RRAGD: variants seen among roughly 807,000 people sequenced by gnomAD.
RRAGD encodes Ras related GTP binding D.
RRAGD carries 12 observed loss-of-function variants against 35.5 expected under a neutral mutation model. The observed-to-expected ratio is 0.34, with a 90% confidence interval of 0.22 to 0.55. RRAGD has a LOEUF of 0.55. Ranked by LOEUF, RRAGD falls within the 20% of genes least tolerant of loss-of-function variation. The pLI is 0.91. For missense variants in RRAGD, 324 were observed against 490.1 expected, an observed-to-expected ratio of 0.66 and a Z score of 3.20; for synonymous variants, 155 against 178.9, an observed-to-expected ratio of 0.87 and a Z score of 1.07.
At chr6:89,382,386 C>A (rs1769058351) in intron 2 of RRAGD, among the ~76,000 whole-genome samples, 1 of 116,210 alleles carries the variant, frequency 8.6e-6, no homozygotes, top group African/African-American at 4.1e-5. Flanking sequence ...CACAGTGAGA[C>A]CCCTATCTCT....
intron 1 of RRAGD, among the ~76,000 whole-genome samples, chr6:89,407,504 G>C (rs1193148256): frequency 1.3e-5 from 2 of 152,060 alleles, no homozygotes; most frequent in African/African-American, 4.8e-5. Flanking sequence ...TGGGCATTGT[G>C]GTGGGCACCT....
At chr6:89,388,386 G>A (rs1464170654) in intron 1 of RRAGD, among the ~76,000 whole-genome samples, 2 of 152,132 alleles carry the variant, frequency 1.3e-5, no homozygotes, top group African/African-American at 2.4e-5. Flanking sequence ...TCAGCTGGGG[G>A]AATATGAGAA....
At chr6:89,398,606 ATGCCTTACAT>A (rs1163718843) in intron 1 of RRAGD, among the ~76,000 whole-genome samples, 1 of 152,256 alleles carries the variant, frequency 6.6e-6, no homozygotes, top group Non-Finnish European at 1.5e-5. Flanking sequence ...CAAAGGCACA[ATGCCTTACAT>A]GGAACAGGAA....
intron 2 of RRAGD, among the ~76,000 whole-genome samples, chr6:89,385,672 A>G (rs957045390): frequency 6.6e-6 from 1 of 152,166 alleles, no homozygotes; most frequent in Non-Finnish European, 1.5e-5. Context: ...GGGTAGGCCC[A>G]TGGGAAGAGA....
intron 1 of RRAGD, among the ~76,000 whole-genome samples, chr6:89,392,493 AAG>A (rs1491029426): frequency 6.6e-6 from 1 of 151,604 alleles, no homozygotes; most frequent in African/African-American, 2.4e-5. Context: ...AAAAAAAAAA[AAG>A]AATATAAAAT....
intron 1 of RRAGD, among the ~76,000 whole-genome samples, chr6:89,409,089 C>T (rs1164667297): frequency 2.0e-5 from 3 of 152,300 alleles, no homozygotes; most frequent in Middle Eastern, 6.8e-3. Flanking sequence ...ATTTAAGTCT[C>T]ACCTTAGTTG....
rs1768713555 is a variant in RRAGD at position 89,364,964 on chromosome 6, G to C, written c.*3092C>G. The C allele has an allele frequency of 6.6e-6, 1 of 152,118 alleles. No homozygotes were observed. The highest frequency in any genetic ancestry group is 1.5e-5 in the Non-Finnish European group (1 of 68,046). 9.4% of individuals were successfully genotyped at this position (152,118 alleles called of 1,614,324 possible). ...TGATGTACTGCTTAAAGTAAAACATGGACTATACCTGATTACAAATTACAT... is the reference window on the plus strand; with the variant it reads ...TGATGTACTGCTTAAAGTAAAACATCGACTATACCTGATTACAAATTACAT... On this transcript the variant is annotated 3_prime_UTR_variant, in exon 7 of 7. Transcript: ENST00000369415.
chr6:89,370,583 T>C (rs79712984), intron 6 of RRAGD, among the ~76,000 whole-genome samples: 1 of 152,208 alleles, frequency 6.6e-6, no homozygotes, highest in Non-Finnish European at 1.5e-5. Flanking sequence ...ACTTTAAATT[T>C]TTCCTTAGGA....
intron 3 of RRAGD, among the ~76,000 whole-genome samples, chr6:89,379,588 C>G (rs1252787345): frequency 1.3e-5 from 2 of 152,224 alleles, no homozygotes; most frequent in Non-Finnish European, 2.9e-5. Flanking sequence ...AGCTTACAAC[C>G]GCAGCAATCT....
chr6:89,396,201 CA>C (rs949950739), intron 1 of RRAGD, among the ~76,000 whole-genome samples: 1 of 151,832 alleles, frequency 6.6e-6, no homozygotes, highest in African/African-American at 2.4e-5. Context: ...AAAAGCACAA[CA>C]AATACAAAAA....
Position 89,380,266 on chromosome 6 carries a change from A to G in RRAGD, c.546T>C (p.Asp182=), listed in dbSNP as rs1754853884. 2 of 1,614,152 alleles carry G rather than the reference A, an allele frequency of 1.2e-6. No individual in the cohort carries two copies. The highest frequency in any genetic ancestry group is 1.7e-5 in the Admixed American group (1 of 60,016). The change falls in exon 3 of 7, where the codon GAT becomes GAC. Residue 182 remains aspartate, a synonymous_variant. Coordinates refer to ENST00000369415, the MANE Select transcript of RRAGD (RefSeq NM_021244.5). ...CAATTTTGTGGTCATCTGACAGACC[A>G]TCCACTTTATGAATAAACACCTCGA... ...INFEVFIHKV[D]GLSDDHKIET...
intron 1 of RRAGD, among the ~76,000 whole-genome samples, chr6:89,397,603 C>CAA (rs552825275): frequency 2.7e-5 from 3 of 113,010 alleles, no homozygotes; most frequent in Admixed American, 9.4e-5. Flanking sequence ...GACTCCGTCT[C>CAA]AAAAAAAAAA....
chr6:89,398,942 C>T (rs1279569096), intron 1 of RRAGD, among the ~76,000 whole-genome samples: 2 of 152,336 alleles, frequency 1.3e-5, no homozygotes, highest in South Asian at 2.1e-4. Context: ...AACATTCAAA[C>T]GGAGGGCTGG....
At position 89,411,925 on chromosome 6, in the gene RRAGD, ATCCTCC is replaced by A. The variant is rs760147769; in HGVS notation, c.63_68del (p.Glu21_Glu22del). 4.5e-6 allele frequency: 7 copies of A among 1,540,314 alleles called. No individual in the cohort carries two copies. Among genetic ancestry groups the A allele is most frequent in the African/African-American group, 4.1e-5 (3 of 72,586 alleles). On this transcript the variant is annotated inframe_deletion, in exon 1 of 7. Transcript: ENST00000369415. The surrounding 1 kb of genome is among the most constrained non-coding windows in gnomAD (Gnocchi z 5.6). ...CGTAGTCCGCTAGCCCCACCAGCTC[ATCCTCC>A]TCCTCCTCCTCCTCCGCGTCGTCCT...
chr6:89,404,723 A>T (rs1250575474), intron 1 of RRAGD, among the ~76,000 whole-genome samples: 2 of 152,252 alleles, frequency 1.3e-5, no homozygotes, highest in Admixed American at 1.3e-4. Context: ...TAGTAAAAAA[A>T]GAAGGGAGAA....
intron 2 of RRAGD, among the ~76,000 whole-genome samples, 157 bp downstream of exon 2, chr6:89,387,138 T>A (rs1001472129): frequency 6.6e-6 from 1 of 152,212 alleles, no homozygotes; most frequent in Non-Finnish European, 1.5e-5. Flanking sequence ...TGGTCACGGC[T>A]GGAGCCTTTT....
At position 89,376,300 on chromosome 6, in the gene RRAGD, GGTGT is replaced by G. The variant is rs34484330; in HGVS notation, c.902+1367_902+1370del. On this transcript the variant is annotated intron_variant, in intron 5 of 6. Transcript: ENST00000369415. ...TAAGTATCACTTTCCATGTGTGTGT[GGTGT>G]GTGTGTGTGTGTGTGTGTGTGTGTG... Among the ~76,000 whole-genome samples, 294 of 141,834 alleles carry G rather than the reference GGTGT, an allele frequency of 2.1e-3. 1 individual carries two copies. Among genetic ancestry groups the G allele is most frequent in the South Asian group, 5.0e-3 (23 of 4,628 alleles). 93.0% of individuals were successfully genotyped at this position (141,834 alleles called of 152,430 possible).
intron 1 of RRAGD, among the ~76,000 whole-genome samples, chr6:89,388,341 G>A (rs772656453): frequency 6.6e-6 from 1 of 152,158 alleles, no homozygotes; most frequent in Non-Finnish European, 1.5e-5. Context: ...GGGAAAAGAC[G>A]AATGGGGAGT....
chr6:89,384,469 A>G (rs888804224), intron 2 of RRAGD, among the ~76,000 whole-genome samples: 1 of 152,112 alleles, frequency 6.6e-6, no homozygotes, highest in African/African-American at 2.4e-5. Flanking sequence ...TTGGCCTCCC[A>G]AAGTGTTTGG....
Sources: gnomAD v4.1 joint callset for allele counts (sites outside exome capture counted in the v4.1 genomes callset) on GRCh38, gnomAD v4.1.1 for gene constraint, Gnocchi (gnomAD v3.1) non-coding constraint, MANE v1.5 for transcripts, NCBI Gene and HGNC (gene_info 2026-07-23, HGNC 2026-07-21) for gene names.